PTPRT: variants seen among roughly 807,000 people sequenced by gnomAD.
The protein encoded by PTPRT is protein tyrosine phosphatase receptor type T.
PTPRT carries 56 observed loss-of-function variants against 176.8 expected under a neutral mutation model. The observed-to-expected ratio is 0.32, with a 90% confidence interval of 0.26 to 0.40. The LOEUF (loss-of-function observed/expected upper bound fraction) is 0.40, where lower values mean the gene tolerates loss of function less well. PTPRT is among the 10% of genes least tolerant of loss of function. The pLI is 1.00. For missense variants in PTPRT, 1,540 were observed against 1,908.2 expected (o/e 0.81, Z 3.60); for synonymous variants, 783 against 739.0 (o/e 1.06, Z -0.96).
chr20:43,124,220 GCTGA>G (rs762515011), intron 1 of PTPRT, among the ~76,000 whole-genome samples: 154 of 152,226 alleles, frequency 1.0e-3, no homozygotes, highest in African/African-American at 1.2e-3. Context: ...TATTTATTGG[GCTGA>G]CTATCAATTG....
intron 1 of PTPRT, among the ~76,000 whole-genome samples, chr20:42,934,441 C>T (rs1980048690): frequency 6.6e-6 from 1 of 152,182 alleles, no homozygotes; most frequent in Admixed American, 6.5e-5. Flanking sequence ...CTCACATTTT[C>T]TGTGGGTCAG....
chr20:42,201,456 C>G (rs1210602230), intron 15 of PTPRT, among the ~76,000 whole-genome samples: 1 of 152,116 alleles, frequency 6.6e-6, no homozygotes, highest in Non-Finnish European at 1.5e-5. Flanking sequence ...AGAAGAATGA[C>G]AGAGGGCATA....
chr20:42,291,843 T>C (rs1302007415), intron 12 of PTPRT, among the ~76,000 whole-genome samples: 1 of 152,176 alleles, frequency 6.6e-6, no homozygotes, highest in Non-Finnish European at 1.5e-5. Context: ...TTGGTCTATA[T>C]TTTAAGAACA....
chr20:43,028,187 C>G (rs989895190), intron 1 of PTPRT, among the ~76,000 whole-genome samples: 2 of 152,262 alleles, frequency 1.3e-5, no homozygotes, highest in East Asian at 3.9e-4. Context: ...GCCCTATTGT[C>G]TCCTGCATGG....
chr20:42,492,229 A>C (rs918792660), intron 7 of PTPRT, among the ~76,000 whole-genome samples: 1 of 152,206 alleles, frequency 6.6e-6, no homozygotes, highest in Non-Finnish European at 1.5e-5. Flanking sequence ...TGGATCATAT[A>C]GTAAGTTCAT....
chr20:42,870,046 T>G (rs1438965497), intron 2 of PTPRT, among the ~76,000 whole-genome samples: 1 of 152,162 alleles, frequency 6.6e-6, no homozygotes, highest in Non-Finnish European at 1.5e-5. Flanking sequence ...AATCTTGGAC[T>G]TGTCAACCTC....
intron 8 of PTPRT, among the ~76,000 whole-genome samples, chr20:42,448,665 CG>C (rs1259133836): frequency 2.0e-5 from 3 of 152,052 alleles, no homozygotes; most frequent in Non-Finnish European, 4.4e-5. Flanking sequence ...CTGAGCAAGT[CG>C]GTTTATGAAC....
At chr20:42,935,147 A>ATTTTTTTTTT (rs57178522) in intron 1 of PTPRT, among the ~76,000 whole-genome samples, 2 of 42,156 alleles carry the variant, frequency 4.7e-5, no homozygotes, top group South Asian at 1.2e-3. Flanking sequence ...TTTTGCCATA[A>ATTTTTTTTTT]TTTTTTTTTT....
At chr20:43,113,229 G>A (rs935010670) in intron 1 of PTPRT, among the ~76,000 whole-genome samples, 1 of 152,180 alleles carries the variant, frequency 6.6e-6, no homozygotes, top group East Asian at 1.9e-4. Flanking sequence ...CATCCATGAT[G>A]AACTTTGCTG....
At chr20:42,480,458 G>A (rs1221210661) in intron 7 of PTPRT, among the ~76,000 whole-genome samples, 1 of 152,120 alleles carries the variant, frequency 6.6e-6, no homozygotes, top group East Asian at 1.9e-4. Flanking sequence ...TTTAGTGTTA[G>A]AAAGCTTCCA....
At chr20:42,211,927 G>T (rs1255355861) in intron 15 of PTPRT, among the ~76,000 whole-genome samples, 2 of 150,706 alleles carry the variant, frequency 1.3e-5, no homozygotes, top group East Asian at 3.9e-4. Flanking sequence ...ACTGGATTAA[G>T]AAAATGTGGC....
chr20:42,628,481 A>G (rs1248973327), intron 7 of PTPRT, among the ~76,000 whole-genome samples: 7 of 152,030 alleles, frequency 4.6e-5, no homozygotes, highest in Non-Finnish European at 8.8e-5. Context: ...TTTAATCTTA[A>G]TATGGTTGAT....
At chr20:42,469,265 G>A (rs1033757731) in intron 8 of PTPRT, among the ~76,000 whole-genome samples, 7 of 152,054 alleles carry the variant, frequency 4.6e-5, no homozygotes, top group Admixed American at 1.3e-4. Context: ...GTGCAGTGGC[G>A]CGATCTCGGC....
At chr20:42,466,205 T>C (rs984008440) in intron 8 of PTPRT, among the ~76,000 whole-genome samples, 1 of 152,240 alleles carries the variant, frequency 6.6e-6, no homozygotes, top group Non-Finnish European at 1.5e-5. Flanking sequence ...TGAACAGTGC[T>C]GCAATGAACA....
At chr20:42,546,732 C>T (rs1286385290) in intron 7 of PTPRT, among the ~76,000 whole-genome samples, 1 of 152,038 alleles carries the variant, frequency 6.6e-6, no homozygotes, top group Non-Finnish European at 1.5e-5. Context: ...ATTAATTGGC[C>T]TAATTTCAAT....
chr20:42,674,354 G>T (rs2075463195), intron 7 of PTPRT, among the ~76,000 whole-genome samples: 1 of 152,140 alleles, frequency 6.6e-6, no homozygotes, highest in African/African-American at 2.4e-5. Context: ...AGATTATTGT[G>T]TTTTCAACAT....
In PTPRT at chr20:42,731,551, G is replaced by A. The variant is rs113391147; in HGVS notation, c.859+24911C>T. Among the ~76,000 whole-genome samples, 507 of 152,308 alleles carry A rather than the reference G, an allele frequency of 3.3e-3. 1 individual carries two copies. Among genetic ancestry groups the A allele is most frequent in the African/African-American group, 0.011 (467 of 41,578 alleles). Reference sequence around the variant, plus strand: ...AGGAATGGAAACAGAATGCAGATGAGGCTCACCACCAGGCCCAGCACTGTG... The same window carrying A: ...AGGAATGGAAACAGAATGCAGATGAAGCTCACCACCAGGCCCAGCACTGTG... On this transcript the variant is annotated intron_variant, in intron 6 of 30. Transcript: ENST00000373187.
rs1294298869 is a variant in PTPRT, at chr20:42,620,598, G to C, written c.1153+57268C>G. On this transcript the variant is annotated intron_variant, in intron 7 of 30. Coordinates refer to ENST00000373187, the MANE Select transcript of PTPRT (RefSeq NM_007050.6). The stretch of plus-strand genomic sequence containing the variant: ...CTGTGCTAGCAGTCAGCGAGATTCC[G>C]TGGGCGTAGGACCCTCCGAGCCAGG... Among the ~76,000 whole-genome samples, 9 of 152,080 alleles carry C rather than the reference G, an allele frequency of 5.9e-5. 1 individual carries two copies. Among genetic ancestry groups the C allele is most frequent in the Admixed American group, 5.2e-4 (8 of 15,278 alleles).
At chr20:42,208,493 C>T (rs1016085134) in intron 15 of PTPRT, among the ~76,000 whole-genome samples, 1 of 151,962 alleles carries the variant, frequency 6.6e-6, no homozygotes, top group Non-Finnish European at 1.5e-5. Flanking sequence ...GGGTTGCAAT[C>T]CTAGTCTCTG....
Sources: allele counts gnomAD v4.1 joint callset (sites outside exome capture counted in the v4.1 genomes callset), GRCh38; gene constraint gnomAD v4.1.1; transcripts MANE v1.5; gene names NCBI Gene and HGNC (gene_info 2026-07-23, HGNC 2026-07-21).